The following FUT8 variants were observed in gnomAD, a reference collection of about 807,000 sequenced individuals.
FUT8 encodes alpha-(1,6)-fucosyltransferase.
FUT8 carries 29 observed loss-of-function variants against 71.3 expected under a neutral mutation model. The ratio of observed to expected loss-of-function variants is 0.41; its 90% confidence interval spans 0.30 to 0.55. FUT8 has a LOEUF of 0.55. Among genes scored for constraint, FUT8 ranks in the 20% least tolerant of loss-of-function variants. FUT8 has a pLI of 0.34. For missense variants in FUT8, 544 were observed against 702.1 expected, an observed-to-expected ratio of 0.77 and a Z score of 2.55; for synonymous variants, 254 against 239.3, an observed-to-expected ratio of 1.06 and a Z score of -0.57.
chr14:65,728,310 AAG>A (rs1352060318), intron 9 of FUT8, among the ~76,000 whole-genome samples: 2 of 152,246 alleles, frequency 1.3e-5, no homozygotes. Flanking sequence ...TTACAAAAGA[AAG>A]AGGTTTAATG....
rs1410800247 is a variant in FUT8 at position 65,743,275 on chromosome 14, T to C, written c.*865T>C. ...TTTGTTTTTTTTCCTGTTTCTGATA[T>C]AGTAACTAATTCTTAACTCAGAGAC... On this transcript the variant is annotated 3_prime_UTR_variant, in exon 11 of 11. Coordinates refer to ENST00000673929, the MANE Select transcript of FUT8 (RefSeq NM_001371533.1). 2 of 151,984 alleles carry C rather than the reference T, an allele frequency of 1.3e-5. No individual in the cohort carries two copies. The highest frequency in any genetic ancestry group is 4.8e-5 in the African/African-American group (2 of 41,410). 9.4% of individuals were successfully genotyped at this position (151,984 alleles called of 1,614,324 possible).
intron 2 of FUT8, among the ~76,000 whole-genome samples, chr14:65,536,970 T>TTC (rs1491303908): frequency 1.3e-4 from 3 of 23,608 alleles, no homozygotes; most frequent in East Asian, 3.8e-3. Context: ...CTTCTTCTTC[T>TTC]TTTTTTTTTT....
intron 7 of FUT8, among the ~76,000 whole-genome samples, chr14:65,688,488 T>A (rs1020425077): frequency 4.2e-5 from 6 of 142,716 alleles, no homozygotes; most frequent in African/African-American, 1.6e-4. Flanking sequence ...TTAACAACAG[T>A]TAGTTGGTGC....
intron 2 of FUT8, among the ~76,000 whole-genome samples, chr14:65,505,153 A>G (rs1273127736): frequency 1.3e-5 from 2 of 152,102 alleles, no homozygotes; most frequent in Admixed American, 6.5e-5. Context: ...TGTTATCTGA[A>G]TAGTTGAGTT....
intron 3 of FUT8, among the ~76,000 whole-genome samples, chr14:65,599,566 C>A (rs1199408674): frequency 6.6e-6 from 1 of 152,186 alleles, no homozygotes; most frequent in Non-Finnish European, 1.5e-5. Context: ...GGCCTTACAG[C>A]TCTGTTTCAG....
At position 65,724,162 on chromosome 14, in the gene FUT8, CACAG is replaced by C. The variant is rs1895564420; in HGVS notation, c.1102_1105del (p.Asp368LysfsTer46). On this transcript the variant is annotated frameshift_variant, in exon 9 of 11. Transcript: ENST00000673929. LOFTEE classifies it high-confidence loss of function. ...TCTCCCCCAGAGTCCATGTCAGACG[CACAG>C]ACAAAGTGGGAACAGAAGCTGCCTT... The C allele has an allele frequency of 4.4e-6, 7 of 1,596,376 alleles. No individual in the cohort carries two copies. The highest frequency in any genetic ancestry group is 6.0e-6 in the Non-Finnish European group (7 of 1,173,880).
intron 9 of FUT8, among the ~76,000 whole-genome samples, chr14:65,726,343 C>T (rs1316277829): frequency 6.6e-6 from 1 of 152,206 alleles, no homozygotes; most frequent in Non-Finnish European, 1.5e-5. Context: ...AGTTCATTTT[C>T]ACACTGCTGA....
chr14:65,662,993 T>C (rs1325424411), intron 6 of FUT8, among the ~76,000 whole-genome samples: 1 of 152,194 alleles, frequency 6.6e-6, no homozygotes, highest in African/African-American at 2.4e-5. Context: ...GTCTGACTTT[T>C]AAGTAGATCC....
rs1197604548 is a variant in FUT8 at position 65,717,519 on chromosome 14, C to T, written c.836-4256C>T. The stretch of plus-strand genomic sequence containing the variant: ...GCAGAGGCGCTCCTCACCTCCCAGA[C>T]GAAGGGCGGCCGGGCAGAGGCGCTC... On this transcript the variant is annotated intron_variant, in intron 7 of 10. Transcript: ENST00000673929. Among the ~76,000 whole-genome samples the T allele has an allele frequency of 6.7e-5, 8 of 120,132 alleles. No homozygotes were observed. In the East Asian group the frequency reaches 1.1e-3, roughly 16 times the overall value. The allele number at this position is 120,132 out of a possible 152,430, so 78.8% of individuals were successfully genotyped here.
chr14:65,551,324 T>C (rs1174408225), intron 2 of FUT8, among the ~76,000 whole-genome samples: 1 of 152,232 alleles, frequency 6.6e-6, no homozygotes, highest in African/African-American at 2.4e-5. Flanking sequence ...GTATTATAAA[T>C]GGTACTGCAT....
the FUT8 span, among the ~76,000 whole-genome samples, chr14:65,389,357 G>A: frequency 6.7e-6 from 1 of 149,784 alleles, no homozygotes; most frequent in Non-Finnish European, 1.5e-5. Flanking sequence ...CCACAAGAGT[G>A]TGCCACCACA....
intron 5 of FUT8, among the ~76,000 whole-genome samples, chr14:65,623,427 G>T (rs2268956): frequency 6.6e-6 from 1 of 151,946 alleles, no homozygotes. Context: ...CATAAATTCT[G>T]TTCTACTTGG....
intron 3 of FUT8, among the ~76,000 whole-genome samples, chr14:65,602,569 A>G (rs1252108633): frequency 2.6e-5 from 4 of 151,432 alleles, no homozygotes; most frequent in Admixed American, 6.6e-5. Flanking sequence ...TGGTAGTTCT[A>G]TTTTTAGTTC....
intron 3 of FUT8, among the ~76,000 whole-genome samples, chr14:65,605,414 T>C (rs1888528817): frequency 6.6e-6 from 1 of 151,954 alleles, no homozygotes; most frequent in Non-Finnish European, 1.5e-5. Flanking sequence ...AGATAGTCCC[T>C]TTAAAGAGAT....
chr14:65,584,235 G>A (rs1409764410), intron 3 of FUT8, among the ~76,000 whole-genome samples: 1 of 147,676 alleles, frequency 6.8e-6, no homozygotes, highest in Non-Finnish European at 1.5e-5. Context: ...CTGGAGTGCA[G>A]TGGTGCGATC....
the FUT8 span, among the ~76,000 whole-genome samples, chr14:65,379,643 G>A: frequency 6.6e-5 from 10 of 152,306 alleles, no homozygotes; most frequent in South Asian, 2.1e-4. Context: ...ACTGCATGCC[G>A]TTCTGGGTTC....
intron 6 of FUT8, among the ~76,000 whole-genome samples, chr14:65,633,063 T>G (rs577953842): frequency 1.5e-3 from 212 of 144,838 alleles, no homozygotes; most frequent in Non-Finnish European, 2.6e-3. Context: ...CTCCCTCTGA[T>G]GCTGAGCCGA....
rs1225999413 is a variant in FUT8 at position 65,690,871 on chromosome 14, G to A, written c.835+21391G>A. Among the ~76,000 whole-genome samples the A allele has an allele frequency of 5.3e-5, 8 of 152,166 alleles. No homozygotes were observed. In the South Asian group the frequency reaches 1.0e-3, roughly 20 times the overall value. On this transcript the variant is annotated intron_variant, in intron 7 of 10. Coordinates refer to ENST00000673929, the MANE Select transcript of FUT8 (RefSeq NM_001371533.1). Reference sequence around the variant, plus strand: ...CTTCCGAGTAGCTGGGATTACAGGCGTGTGCCACCACACCGGGCTGATTTT... The same window carrying A: ...CTTCCGAGTAGCTGGGATTACAGGCATGTGCCACCACACCGGGCTGATTTT...
intron 7 of FUT8, among the ~76,000 whole-genome samples, chr14:65,671,429 T>C (rs1286566414): frequency 6.6e-6 from 1 of 152,182 alleles, no homozygotes; most frequent in African/African-American, 2.4e-5. Context: ...AAAGCATCCT[T>C]TCTTTATTCA....
Sources: allele counts gnomAD v4.1 joint callset (sites outside exome capture counted in the v4.1 genomes callset), GRCh38; gene constraint gnomAD v4.1.1; transcripts MANE v1.5; gene names NCBI Gene and HGNC (gene_info 2026-07-23, HGNC 2026-07-21).